Variants in ERC1 observed in about 807,000 individuals in gnomAD.
ERC1 encodes RAB6 interacting protein 2.
ERC1 carries 56 observed loss-of-function variants against 132.0 expected under a neutral mutation model. The ratio of observed to expected loss-of-function variants is 0.42; its 90% CI spans 0.34 to 0.53. ERC1 has a LOEUF of 0.53. Ranked by LOEUF, ERC1 falls within the 20% of genes least tolerant of loss-of-function variation. The pLI is 0.03. For synonymous variants in ERC1, 478 were observed against 476.1 expected (o/e 1.00, Z -0.05); for missense variants, 1,202 against 1,349.9 (o/e 0.89, Z 1.72).
intron 18 of ERC1, among the ~76,000 whole-genome samples, chr12:1,452,620 T>C (rs1208801952): frequency 6.6e-6 from 1 of 152,212 alleles, no homozygotes; most frequent in East Asian, 1.9e-4. Context: ...TTCTGTTTTG[T>C]TTTGTTTTCT....
intron 16 of ERC1, among the ~76,000 whole-genome samples, chr12:1,406,579 A>G (rs1386784632): frequency 2.0e-5 from 3 of 152,180 alleles, no homozygotes; most frequent in African/African-American, 7.2e-5. Flanking sequence ...AGTGACAATC[A>G]CTGATAGAGG....
chr12:1,116,393 G>C (rs1470152304), intron 7 of ERC1, among the ~76,000 whole-genome samples: 5 of 152,228 alleles, frequency 3.3e-5, no homozygotes, highest in African/African-American at 1.2e-4. Context: ...ATGACAATGA[G>C]CTTGGTTACA....
chr12:1,122,091 GTCTCTA>G (rs1365162735), intron 7 of ERC1, among the ~76,000 whole-genome samples: 3 of 6,070 alleles, frequency 4.9e-4, no homozygotes, highest in African/African-American at 9.8e-4. Context: ...CTCTATCTGT[GTCTCTA>G]TCTCTATCTC....
chr12:1,051,456 G>T (rs1419620450), intron 2 of ERC1, among the ~76,000 whole-genome samples: 1 of 151,098 alleles, frequency 6.6e-6, no homozygotes, highest in African/African-American at 2.4e-5. Context: ...TTGGGAGGCC[G>T]AGGCAGGAGG....
At chr12:1,345,187 C>CTTTTTTTT (rs573681390) in intron 15 of ERC1, among the ~76,000 whole-genome samples, 6 of 131,476 alleles carry the variant, frequency 4.6e-5, no homozygotes, top group African/African-American at 1.5e-4. Context: ...AATATTTCTT[C>CTTTTTTTT]TTTTTTTTTT....
intron 18 of ERC1, among the ~76,000 whole-genome samples, chr12:1,451,649 T>A (rs2093427578): frequency 6.6e-6 from 1 of 152,068 alleles, no homozygotes; most frequent in Admixed American, 6.6e-5. Flanking sequence ...AAATTAAAAA[T>A]AAATTTTAAA....
chr12:1,327,066 A>G (rs577389483), intron 15 of ERC1, among the ~76,000 whole-genome samples: 28 of 152,218 alleles, frequency 1.8e-4, no homozygotes, highest in Non-Finnish European at 3.5e-4. Flanking sequence ...TATACCTAAT[A>G]TTAAAAATTA....
chr12:1,184,166 A>ATAAGTG (rs1372639227), intron 11 of ERC1, among the ~76,000 whole-genome samples: 1 of 151,748 alleles, frequency 6.6e-6, no homozygotes, highest in Non-Finnish European at 1.5e-5. Context: ...AAAAAAAAGA[A>ATAAGTG]TAAGTGGGAG....
chr12:1,015,716 T>G (rs1368771423), intron 1 of ERC1, among the ~76,000 whole-genome samples: 1 of 152,224 alleles, frequency 6.6e-6, no homozygotes, highest in Non-Finnish European at 1.5e-5. Flanking sequence ...AGCATATTTC[T>G]CGTCCCTAGT....
chr12:1,109,868 CA>C (rs1263072728), intron 4 of ERC1, among the ~76,000 whole-genome samples: 2 of 152,116 alleles, frequency 1.3e-5, no homozygotes, highest in Non-Finnish European at 2.9e-5. Context: ...GCCAACATGG[CA>C]AAACCCTGTC....
intron 15 of ERC1, among the ~76,000 whole-genome samples, chr12:1,290,419 AC>A (rs2079362006): frequency 6.6e-6 from 1 of 152,060 alleles, no homozygotes; most frequent in Non-Finnish European, 1.5e-5. Context: ...GAGAGAATGA[AC>A]CCCCATATAC....
intron 7 of ERC1, among the ~76,000 whole-genome samples, chr12:1,121,793 C>G (rs200302112): frequency 7.8e-4 from 10 of 12,874 alleles, no homozygotes; most frequent in Admixed American, 3.1e-3. Context: ...ATCTCTATCT[C>G]TATCTCTATC....
chr12:1,132,240 C>T (rs925249530), intron 7 of ERC1, among the ~76,000 whole-genome samples: 1 of 152,086 alleles, frequency 6.6e-6, no homozygotes, highest in Admixed American at 6.6e-5. Flanking sequence ...CAGACTAAGA[C>T]AAAGTGTACA....
intron 2 of ERC1, among the ~76,000 whole-genome samples, chr12:1,065,477 C>CATTTGTGTGT (rs1555223430): frequency 2.3e-5 from 1 of 43,460 alleles, no homozygotes; most frequent in African/African-American, 6.4e-5. Context: ...TTCTTTGTAC[C>CATTTGTGTGT]GTTTGTGTGT....
At chr12:1,470,285 A>T (rs930708649) in intron 18 of ERC1, among the ~76,000 whole-genome samples, 4 of 151,690 alleles carry the variant, frequency 2.6e-5, no homozygotes, top group Non-Finnish European at 4.4e-5. Context: ...CTGGGGGGAA[A>T]CTTCCTTCTC....
At chr12:1,127,630 C>T (rs1302741529) in intron 7 of ERC1, among the ~76,000 whole-genome samples, 3 of 151,522 alleles carry the variant, frequency 2.0e-5, no homozygotes, top group Admixed American at 6.6e-5. Flanking sequence ...GCATCCATCC[C>T]GTTTTTTAAA....
chr12:1,194,445 A>T (rs1435764052), intron 12 of ERC1, among the ~76,000 whole-genome samples: 4 of 152,122 alleles, frequency 2.6e-5, no homozygotes, highest in Admixed American at 6.5e-5. Flanking sequence ...ATAAAATAAA[A>T]TAAATTAAAT....
chr12:1,165,871 T>C (rs1952372148), intron 8 of ERC1, among the ~76,000 whole-genome samples: 1 of 152,184 alleles, frequency 6.6e-6, no homozygotes, highest in Non-Finnish European at 1.5e-5. Context: ...TTTCAGAATA[T>C]TTACAATGTT....
At chr12:1,233,653 A>G (rs73027416) in intron 12 of ERC1, among the ~76,000 whole-genome samples, 4,635 of 152,218 alleles carry the variant, frequency 0.03, 94 homozygotes, top group South Asian at 0.058. Flanking sequence ...AGCAAGAGAT[A>G]TAGAGAAACA....
Sources: allele counts gnomAD v4.1 joint callset (sites outside exome capture counted in the v4.1 genomes callset), GRCh38; gene constraint gnomAD v4.1.1; transcripts MANE v1.5; gene names NCBI Gene and HGNC (gene_info 2026-07-23, HGNC 2026-07-21).